EIF2AK1: variants seen among roughly 807,000 people sequenced by gnomAD.
EIF2AK1 encodes the protein eukaryotic translation initiation factor 2 alpha kinase 1, also known as eukaryotic translation initiation factor 2-alpha kinase 1.
Under a neutral mutation model 77.9 loss-of-function variants are expected in EIF2AK1, and 54 were observed. That is an observed-to-expected ratio of 0.69 (90% CI 0.56 to 0.87). EIF2AK1 has a LOEUF of 0.87. EIF2AK1 is among the 40% of genes least tolerant of loss of function. The pLI is 0.00. For missense variants in EIF2AK1, 810 were observed against 768.6 expected (o/e 1.05, Z -0.64); for synonymous variants, 314 against 290.5 (o/e 1.08, Z -0.82).
intron 9 of EIF2AK1, among the ~76,000 whole-genome samples, chr7:6,039,901 T>G (rs1017300962): frequency 2.0e-5 from 3 of 150,146 alleles, no homozygotes; most frequent in Non-Finnish European, 3.0e-5. Flanking sequence ...CATGCCACTG[T>G]ACTCCAGCCT....
At chr7:6,051,591 G>C (rs1297627218) in intron 2 of EIF2AK1, among the ~76,000 whole-genome samples, 1 of 151,758 alleles carries the variant, frequency 6.6e-6, no homozygotes, top group East Asian at 1.9e-4. Flanking sequence ...CAACATACCT[G>C]GCTAATTTTT....
At chr7:6,028,783 C>T (rs977188962) in intron 12 of EIF2AK1, 86 bp from the exon 13 acceptor site, 3 of 1,437,114 alleles carry the variant, frequency 2.1e-6, no homozygotes, top group Non-Finnish European at 2.9e-6. Context: ...CAGTGTAGCT[C>T]CTAAGAGAAC....
At chr7:6,056,624 A>ATG in intron 1 of EIF2AK1, among the ~76,000 whole-genome samples, 1 of 87,338 alleles carries the variant, frequency 1.1e-5, no homozygotes, top group African/African-American at 6.5e-5. Context: ...ATATATATAT[A>ATG]TATATATATA....
intron 2 of EIF2AK1, among the ~76,000 whole-genome samples, 190 bp from the exon 3 acceptor site, chr7:6,050,235 G>T (rs1446377625): frequency 6.6e-6 from 1 of 151,434 alleles, no homozygotes; most frequent in African/African-American, 2.4e-5. Context: ...ATTTTTTTTT[G>T]AGACAGAGAG....
At chr7:6,056,613 A>T (rs180671502) in intron 1 of EIF2AK1, among the ~76,000 whole-genome samples, 4,303 of 43,464 alleles carry the variant, frequency 0.099, 358 homozygotes, top group African/African-American at 0.24. Context: ...AAAAAAAAAA[A>T]ATATATATAT....
At chr7:6,041,794 T>C (rs1160607175) in intron 8 of EIF2AK1, among the ~76,000 whole-genome samples, 1 of 150,584 alleles carries the variant, frequency 6.6e-6, no homozygotes, top group Non-Finnish European at 1.5e-5. Context: ...TAAGCCAAGA[T>C]TGCGCCACTG....
chr7:6,056,569 G>C (rs1788768488), intron 1 of EIF2AK1, among the ~76,000 whole-genome samples: 1 of 114,390 alleles, frequency 8.7e-6, no homozygotes. Flanking sequence ...ACTCCAGCCT[G>C]GGCAACAGAG....
chr7:6,041,122 T>C lies in EIF2AK1; in HGVS notation c.889A>G (p.Thr297Ala), dbSNP rs1387329646. Reference protein sequence around the residue: ...EKEKRFGESDTENQNNKSVKY... With the variant: ...EKEKRFGESDAENQNNKSVKY... ...ACCGACTTGTTATTCTGATTTTCAG[T>C]GTCAGATTCTCCAAAGCGTTTTTCT... Residue 297 changes from threonine (T) to alanine (A), a missense_variant, in exon 9 of 15, where the codon ACT (threonine) becomes GCT (alanine). Coordinates refer to ENST00000199389, the MANE Select transcript of EIF2AK1 (RefSeq NM_014413.4). The C allele has an allele frequency of 6.2e-6, 10 of 1,613,956 alleles. No individual in the cohort carries two copies. Among genetic ancestry groups the C allele is most frequent in the South Asian group, 3.3e-5 (3 of 91,088 alleles).
Position 6,048,938 on chromosome 7 carries a change from T to C in EIF2AK1, c.412-94A>G, listed in dbSNP as rs1788520199. The C allele has an allele frequency of 6.5e-6, 5 of 771,768 alleles. No homozygotes were observed. The Admixed American group carries it at 1.2e-4, about 19-fold the overall frequency. The allele number at this position is 771,768 out of a possible 1,614,324, so 47.8% of individuals were successfully genotyped here. Reference sequence around the variant, plus strand: ...TCAATATCACATTAACAACCCCAAATGCATAAACAATATTTTAAAAACCAC... The same window carrying C: ...TCAATATCACATTAACAACCCCAAACGCATAAACAATATTTTAAAAACCAC... On this transcript the variant is annotated intron_variant, in intron 3 of 14. Transcript: ENST00000199389.
In EIF2AK1 at chr7:6,024,581, T is replaced by A. The variant is rs1787683326; in HGVS notation, c.*92A>T. On this transcript the variant is annotated 3_prime_UTR_variant, in exon 15 of 15. Transcript: ENST00000199389. The stretch of plus-strand genomic sequence containing the variant: ...ATCTTTAACAAGTCTTGTAAAGGCT[T>A]ACTAAATACAACGAAGCATTGTACC... The A allele has an allele frequency of 6.3e-7, 1 of 1,582,086 alleles. No individual in the cohort carries two copies. Among genetic ancestry groups the A allele is most frequent in the Non-Finnish European group, 8.6e-7 (1 of 1,168,078 alleles).
rs758107756 is a variant in EIF2AK1 at position 6,037,408 on chromosome 7, C to A, written c.1332+16G>T. On this transcript the variant is annotated intron_variant, in intron 11 of 14. Coordinates refer to ENST00000199389, the MANE Select transcript of EIF2AK1 (RefSeq NM_014413.4). Reference sequence around the variant, plus strand: ...AAGCTCCCACTGCTTTCAATGATTTCATCGCCCCCACTTACCTTCAGATCT... The same window carrying A: ...AAGCTCCCACTGCTTTCAATGATTTAATCGCCCCCACTTACCTTCAGATCT... 1.3e-6 allele frequency: 2 copies of A among 1,552,256 alleles called. No homozygotes were observed. Among genetic ancestry groups the A allele is most frequent in the Non-Finnish European group, 8.9e-7 (1 of 1,126,980 alleles).
chr7:6,049,225 C>T (rs562321481), intron 3 of EIF2AK1, among the ~76,000 whole-genome samples: 17 of 140,734 alleles, frequency 1.2e-4, no homozygotes, highest in Non-Finnish European at 2.4e-4. Flanking sequence ...TAATCAAAAT[C>T]CTGTACCACC....
intron 1 of EIF2AK1, chr7:6,058,090 G>C (rs1233187139): frequency 6.6e-6 from 3 of 454,894 alleles, no homozygotes; most frequent in African/African-American, 2.0e-5. Context: ...TAGCTACCCC[G>C]TATCTCCTAG....
intron 2 of EIF2AK1, among the ~76,000 whole-genome samples, chr7:6,053,973 TC>T (rs957347374): frequency 6.6e-6 from 1 of 151,682 alleles, no homozygotes; most frequent in Non-Finnish European, 1.5e-5. Flanking sequence ...CACCTGGCCA[TC>T]TTTTTTATTA....
chr7:6,056,613 A>AAAAAAAAAAAAAATATATATATATAT, intron 1 of EIF2AK1, among the ~76,000 whole-genome samples: 10 of 43,722 alleles, frequency 2.3e-4, no homozygotes, highest in African/African-American at 6.6e-4. Context: ...AAAAAAAAAA[A>AAAAAAAAAAAAAATATATATATATAT]ATATATATAT....
intron 11 of EIF2AK1, chr7:6,031,496 T>G: frequency 6.4e-7 from 1 of 1,550,720 alleles, no homozygotes; most frequent in Non-Finnish European, 8.7e-7. Context: ...GAGAGAAGAC[T>G]GCACTACGAT....
chr7:6,029,040 C>T lies in EIF2AK1; in HGVS notation c.1333-8G>A, dbSNP rs899493594. 1.9e-6 allele frequency: 3 copies of T among 1,593,430 alleles called. No homozygotes were observed. The highest frequency in any genetic ancestry group is 2.6e-6 in the Non-Finnish European group (3 of 1,166,552). The stretch of plus-strand genomic sequence containing the variant: ...AAGAAAAATATTTCTTGGCTATCAA[C>T]AAACAAAACAAGTCAACTCCTTGGC... On this transcript the variant is annotated splice_polypyrimidine_tract_variant and splice_region_variant and intron_variant, in intron 11 of 14. Transcript: ENST00000199389.
chr7:6,026,300 A>G, intron 14 of EIF2AK1: 1 of 384,974 alleles, frequency 2.6e-6, no homozygotes, highest in South Asian at 1.9e-5. Context: ...AGCCCAGAAC[A>G]GCAGGCAGGT....
Position 6,023,614 on chromosome 7 carries a change from C to T in EIF2AK1, c.*1059G>A. ...GATCGGAGGCTGCAGTGTGACAGTG[C>T]CAGCCAATGTGCAGAGGTGGATGAG... On this transcript the variant is annotated 3_prime_UTR_variant, in exon 15 of 15. Coordinates refer to ENST00000199389, the MANE Select transcript of EIF2AK1 (RefSeq NM_014413.4). 1 of 1,614,144 alleles carries T rather than the reference C, an allele frequency of 6.2e-7. No individual in the cohort carries two copies. The highest frequency in any genetic ancestry group is 1.1e-5 in the South Asian group (1 of 91,086).
Sources: gnomAD v4.1 joint callset for allele counts (sites outside exome capture counted in the v4.1 genomes callset) on GRCh38, gnomAD v4.1.1 for gene constraint, MANE v1.5 for transcripts, NCBI Gene and HGNC (gene_info 2026-07-23, HGNC 2026-07-21) for gene names.